Variants in KIF24 observed in about 807,000 individuals in gnomAD.
KIF24 encodes kinesin family member 24.
Under a neutral mutation model 118.9 loss-of-function variants are expected in KIF24, and 81 were observed. The ratio of observed to expected loss-of-function variants is 0.68; its 90% CI spans 0.57 to 0.82. The LOEUF is 0.82. Among genes scored for constraint, KIF24 ranks in the 40% least tolerant of loss-of-function variants. KIF24 has a pLI of 0.00. For synonymous variants in KIF24, 599 were observed against 610.0 expected (o/e 0.98, Z 0.27); for missense variants, 1,560 against 1,661.6 (o/e 0.94, Z 1.06).
intron 1 of KIF24, among the ~76,000 whole-genome samples, chr9:34,313,748 T>G (rs3897773): frequency 0.032 from 4,885 of 150,452 alleles, 262 homozygotes; most frequent in African/African-American, 0.11. Flanking sequence ...GTTTTTTTTT[T>G]TTTGTTTTTT....
At chr9:34,315,168 T>C (rs906953693) in intron 1 of KIF24, among the ~76,000 whole-genome samples, 1 of 152,186 alleles carries the variant, frequency 6.6e-6, no homozygotes, top group Admixed American at 6.5e-5. Flanking sequence ...AACAGTTTAT[T>C]TTTTAAATTT....
rs1039970308 is a variant in KIF24, at chr9:34,254,144, G to A, written c.*236C>T. 6 of 404,186 alleles carry A rather than the reference G, an allele frequency of 1.5e-5. No homozygotes were observed. The highest frequency in any genetic ancestry group is 4.2e-5 in the Admixed American group (1 of 23,908). The allele number at this position is 404,186 out of a possible 1,614,324, so 25.0% of individuals were successfully genotyped here. A position where few individuals can be genotyped will look rare whatever the true frequency, so the allele number is the denominator to read the frequency against. ...ACAAGGGAAAGGCATTAGGTTCTTC[G>A]GCCTGGCCCACCCTTGGAGGCACTC... On this transcript the variant is annotated 3_prime_UTR_variant, in exon 13 of 13. Coordinates refer to ENST00000402558, the MANE Select transcript of KIF24 (RefSeq NM_194313.4).
chr9:34,313,601 C>T (rs1457198004), intron 1 of KIF24, among the ~76,000 whole-genome samples: 1 of 151,818 alleles, frequency 6.6e-6, no homozygotes, highest in Admixed American at 6.6e-5. Flanking sequence ...TGTGAGCCAC[C>T]ATGCCCAGAT....
rs866213216 is a variant in KIF24 at position 34,269,202 on chromosome 9, G to A, written c.1443+55C>T. On this transcript the variant is annotated intron_variant, in intron 8 of 12. Transcript: ENST00000402558. ...CCACATTCATCCACTCTGCCTGTAT[G>A]TAATGGGCAGTCTTTCAAGAAGGAT... 1.4e-5 allele frequency: 14 copies of A among 997,898 alleles called. No homozygotes were observed. In the Middle Eastern group the frequency reaches 6.3e-4, roughly 45 times the overall value. 61.8% of individuals were successfully genotyped at this position (997,898 alleles called of 1,614,324 possible).
intron 1 of KIF24, among the ~76,000 whole-genome samples, chr9:34,317,745 G>T (rs1320036989): frequency 3.9e-5 from 6 of 152,154 alleles, no homozygotes. Context: ...TTGTGTTCAT[G>T]TAACCTTATT....
At chr9:34,332,212 A>T (rs1223528178), upstream of KIF24, among the ~76,000 whole-genome samples, 1 of 152,194 alleles carries the variant, frequency 6.6e-6, no homozygotes, top group Non-Finnish European at 1.5e-5. Context: ...TACCAATGAG[A>T]TGTCATTTTG....
chr9:34,289,669 T>C (rs1836178877), intron 5 of KIF24, among the ~76,000 whole-genome samples: 2 of 152,208 alleles, frequency 1.3e-5, no homozygotes, highest in Non-Finnish European at 1.5e-5. Flanking sequence ...AATTACTATA[T>C]TATGTTGCAA....
rs201542622 is a variant in KIF24, at chr9:34,257,235, C to T, written c.2372G>A (p.Arg791His). The T allele has an allele frequency of 2.7e-5, 44 of 1,613,898 alleles. No homozygotes were observed. Among genetic ancestry groups the T allele is most frequent in the Non-Finnish European group, 3.5e-5 (41 of 1,179,912 alleles). The change falls in exon 11 of 13, where the codon CGC (arginine) becomes CAC (histidine). Residue 791 changes from arginine (R) to histidine (H), a missense_variant. Around this residue, in one of 3 missense-constraint regions of KIF24, gnomAD observed 964 missense variants for 988.0 expected, o/e 0.98. Transcript: ENST00000402558. ...LKYQPLKRSL[R>H]QYRPPEGQLT... Reference sequence around the variant, plus strand: ...CTGACCCTCTGGGGGCCTGTACTGGCGTAAAGACCTTTTCAGTGGTTGGTA... The same window carrying T: ...CTGACCCTCTGGGGGCCTGTACTGGTGTAAAGACCTTTTCAGTGGTTGGTA...
intron 11 of KIF24, 117 bp from the exon 12 acceptor site, chr9:34,255,282 GT>G (rs1834780892): frequency 1.5e-6 from 1 of 658,100 alleles, no homozygotes; most frequent in South Asian, 1.8e-5. Context: ...AATGGTCAAG[GT>G]TTTCACCAAG....
chr9:34,298,534 A>C (rs1464949072), intron 3 of KIF24, among the ~76,000 whole-genome samples: 1 of 133,752 alleles, frequency 7.5e-6, no homozygotes, highest in African/African-American at 2.5e-5. Flanking sequence ...CAACGAGCAA[A>C]ACTCCATCTC....
rs1339956967 is a variant in KIF24 at position 34,277,125 on chromosome 9, G to A, written c.1216-5195C>T. On this transcript the variant is annotated intron_variant, in intron 6 of 12. Coordinates refer to ENST00000402558, the MANE Select transcript of KIF24 (RefSeq NM_194313.4). Reference sequence around the variant, plus strand: ...GAAAACTTGGAAAATATAGGAAAAGGATAAAGAAGAGAATATATATCTCTC... The same window carrying A: ...GAAAACTTGGAAAATATAGGAAAAGAATAAAGAAGAGAATATATATCTCTC... Among the ~76,000 whole-genome samples the A allele has an allele frequency of 4.9e-4, 74 of 152,088 alleles. 2 individuals are homozygous for A. Among genetic ancestry groups the A allele is most frequent in the Admixed American group, 4.8e-3 (74 of 15,270 alleles).
intron 5 of KIF24, among the ~76,000 whole-genome samples, chr9:34,288,510 A>G (rs1345836182): frequency 1.3e-5 from 2 of 151,902 alleles, no homozygotes; most frequent in Non-Finnish European, 1.5e-5. Context: ...AAAAAAAATC[A>G]ACAGGGTAAA....
At chr9:34,290,017 C>T (rs777257813) in intron 5 of KIF24, among the ~76,000 whole-genome samples, 157 bp downstream of exon 5, 1 of 152,124 alleles carries the variant, frequency 6.6e-6, no homozygotes, top group Admixed American at 6.5e-5. Context: ...GCTGAATTGA[C>T]AGCTAGAAAA....
chr9:34,292,162 T>C (rs1250738119), intron 4 of KIF24, among the ~76,000 whole-genome samples: 3 of 152,194 alleles, frequency 2.0e-5, no homozygotes, highest in Non-Finnish European at 4.4e-5. Flanking sequence ...CATTATCTAA[T>C]GTAAAATGCA....
At position 34,256,766 on chromosome 9, in the gene KIF24, T is replaced by C. The variant is rs1334297457; in HGVS notation, c.2841A>G (p.Ile947Met). 2.5e-6 allele frequency: 4 copies of C among 1,614,006 alleles called. No homozygotes were observed. The South Asian group carries it at 4.4e-5, about 18-fold the overall frequency. The change falls in exon 11 of 13, where the codon ATA (isoleucine) becomes ATG (methionine). Residue 947 changes from isoleucine to methionine, a missense_variant. This residue lies in a region of KIF24 where 591 missense variants were observed against 655.6 expected (regional missense o/e 0.90). Transcript: ENST00000402558. ...EKPYCSQVDF[I>M]YRQERGGGSS... ...AGCCTCCACCTCTTTCCTGTCTATA[T>C]ATGAAATCTACCTGTGAACAGTATG...
rs796076746 is a variant in KIF24, at chr9:34,253,633, G to C, written c.*747C>G. 6.6e-6 allele frequency: 1 copy of C among 152,200 alleles called. No individual in the cohort carries two copies. Among genetic ancestry groups the C allele is most frequent in the African/African-American group, 2.4e-5 (1 of 41,390 alleles). The allele number at this position is 152,200 out of a possible 1,614,324, so 9.4% of individuals were successfully genotyped here. Reference sequence around the variant, plus strand: ...GCTGCCATGGAAGCATGAGAGTATCGGGCATTGTACAGAGGCCTTTCACCC... The same window carrying C: ...GCTGCCATGGAAGCATGAGAGTATCCGGCATTGTACAGAGGCCTTTCACCC... On this transcript the variant is annotated 3_prime_UTR_variant, in exon 13 of 13. Coordinates refer to ENST00000402558, the MANE Select transcript of KIF24 (RefSeq NM_194313.4).
intron 3 of KIF24, among the ~76,000 whole-genome samples, chr9:34,304,039 T>G (rs1441611793): frequency 1.3e-5 from 2 of 152,298 alleles, no homozygotes; most frequent in East Asian, 1.9e-4. Context: ...GATATAAAGT[T>G]TAATGGTTTG....
At chr9:34,326,974 T>C (rs908781163) in intron 1 of KIF24, among the ~76,000 whole-genome samples, 1 of 151,886 alleles carries the variant, frequency 6.6e-6, no homozygotes, top group Non-Finnish European at 1.5e-5. Context: ...TTGGAAAAAA[T>C]GTTTCCTTTC....
At chr9:34,285,907 C>A (rs1218249898) in intron 6 of KIF24, among the ~76,000 whole-genome samples, 68 of 128,802 alleles carry the variant, frequency 5.3e-4, no homozygotes, top group African/African-American at 1.9e-3. Flanking sequence ...CCAGCCTGGG[C>A]AACAGAGCAA....
Sources: allele counts gnomAD v4.1 joint callset (sites outside exome capture counted in the v4.1 genomes callset), GRCh38; gene constraint gnomAD v4.1.1; regional missense constraint gnomAD v4.1.1; transcripts MANE v1.5; gene names NCBI Gene and HGNC (gene_info 2026-07-23, HGNC 2026-07-21).